The following ACBD5 variants were observed in gnomAD, a reference collection of about 807,000 sequenced individuals.
ACBD5 encodes the protein acyl-CoA-binding domain-containing protein 5.
ACBD5 carries 40 observed loss-of-function variants against 71.8 expected under a neutral mutation model. The ratio of observed to expected loss-of-function variants is 0.56; its 90% CI spans 0.43 to 0.72. The LOEUF (loss-of-function observed/expected upper bound fraction) is 0.72. Among genes scored for constraint, ACBD5 ranks in the 30% least tolerant of loss-of-function variants. The pLI is 0.00. For synonymous variants in ACBD5, 229 were observed against 218.6 expected (o/e 1.05, Z -0.42); for missense variants, 559 against 644.5 (o/e 0.87, Z 1.44).
Position 27,205,196 on chromosome 10 carries a change from A to C in ACBD5, c.1455+2T>G. ...ATTTAAATTTTTTAAAAAATGTCTT[A>C]CCTGTGAGGTGGGCTGAGGAGCAGT... On this transcript the variant is annotated splice_donor_variant, in intron 11 of 12. Coordinates refer to ENST00000396271, the MANE Select transcript of ACBD5 (RefSeq NM_145698.5). LOFTEE classifies it high-confidence loss of function. The C allele has an allele frequency of 6.2e-7, 1 of 1,612,478 alleles. No individual in the cohort carries two copies. The highest frequency in any genetic ancestry group is 8.5e-7 in the Non-Finnish European group (1 of 1,179,078).
chr10:27,203,027 G>A (rs910316909), intron 12 of ACBD5, among the ~76,000 whole-genome samples: 11 of 140,712 alleles, frequency 7.8e-5, no homozygotes, highest in African/African-American at 2.4e-4. Flanking sequence ...GGGCTGGAGT[G>A]TAGTGGCATG....
At position 27,196,866 on chromosome 10, in the gene ACBD5, G is replaced by C; in HGVS notation, c.*564C>G. ...TGCCTGAACACCAAACTCAAGAGTT[G>C]TGAATGCCCAAGAAAGATTATGGGC... is the stretch of plus-strand genomic sequence containing the variant. On this transcript the variant is annotated 3_prime_UTR_variant, in exon 13 of 13. Coordinates refer to ENST00000396271, the MANE Select transcript of ACBD5 (RefSeq NM_145698.5). The C allele has an allele frequency of 4.4e-6, 2 of 454,064 alleles. No homozygotes were observed. Among genetic ancestry groups the C allele is most frequent in the Non-Finnish European group, 8.8e-6 (2 of 226,766 alleles). 28.1% of individuals were successfully genotyped at this position (454,064 alleles called of 1,614,324 possible).
chr10:27,219,640 T>C, intron 6 of ACBD5, 83 bp downstream of exon 6: 1 of 1,570,138 alleles, frequency 6.4e-7, no homozygotes, highest in South Asian at 1.1e-5. Context: ...TTTAATCTTC[T>C]ACAATACCAA....
At chr10:27,187,480 G>A (rs1054651354) in intron 13 of ACBD5, among the ~76,000 whole-genome samples, 1 of 152,080 alleles carries the variant, frequency 6.6e-6, no homozygotes, top group Non-Finnish European at 1.5e-5. Flanking sequence ...GGACGGGTGC[G>A]ATGGCTCATG....
At chr10:27,224,329 A>C (rs1482404548) in intron 4 of ACBD5, among the ~76,000 whole-genome samples, 1 of 152,078 alleles carries the variant, frequency 6.6e-6, no homozygotes, top group East Asian at 1.9e-4. Flanking sequence ...GTGAGCCATG[A>C]TCACACCACA....
Position 27,215,549 on chromosome 10 carries a change from A to C in ACBD5, c.922T>G (p.Phe308Val), listed in dbSNP as rs771525656. The change falls in exon 8 of 13, where the codon TTT becomes GTT. Residue 308 changes from phenylalanine (F) to valine (V), a missense_variant. Coordinates refer to ENST00000396271, the MANE Select transcript of ACBD5 (RefSeq NM_145698.5). Reference sequence around the variant, plus strand: ...GTCATTTTTACCTCTTCTTGTCCAAATTGTTCCATAGAATCACAGTAAACT... The same window carrying C: ...GTCATTTTTACCTCTTCTTGTCCAACTTGTTCCATAGAATCACAGTAAACT... ...SEVYCDSMEQ[F>V]GQEESLDSFT... 1 of 1,612,644 alleles carries C rather than the reference A, an allele frequency of 6.2e-7. No homozygotes were observed. The highest frequency in any genetic ancestry group is 8.5e-7 in the Non-Finnish European group (1 of 1,179,122).
chr10:27,234,189 C>T (rs900413442), intron 3 of ACBD5, among the ~76,000 whole-genome samples: 12 of 152,150 alleles, frequency 7.9e-5, no homozygotes, highest in Admixed American at 3.9e-4. Flanking sequence ...GAAAACAGCA[C>T]GGATGAGTAC....
At position 27,195,728 on chromosome 10, in the gene ACBD5, T is replaced by G; in HGVS notation, c.*1702A>C. The G allele has an allele frequency of 2.4e-6, 1 of 418,198 alleles. No individual in the cohort carries two copies. The highest frequency in any genetic ancestry group is 4.6e-6 in the Non-Finnish European group (1 of 217,112). The allele number at this position is 418,198 out of a possible 1,614,324, so 25.9% of individuals were successfully genotyped here. ...TTTTAATCAGTATGGGATTAAATAA[T>G]TAAAGTTATTTGAAAGAAAAAAATA... On this transcript the variant is annotated 3_prime_UTR_variant, in exon 13 of 13. Coordinates refer to ENST00000396271, the MANE Select transcript of ACBD5 (RefSeq NM_145698.5).
At chr10:27,236,850 A>G (rs1450538715) in intron 2 of ACBD5, among the ~76,000 whole-genome samples, 2 of 145,202 alleles carry the variant, frequency 1.4e-5, no homozygotes, top group Non-Finnish European at 3.0e-5. Context: ...ACACCACTGC[A>G]CTACAGCCTG....
intron 5 of ACBD5, among the ~76,000 whole-genome samples, chr10:27,222,410 T>TAAAAAAAA (rs11322768): frequency 7.1e-6 from 1 of 140,402 alleles, no homozygotes. Context: ...GACAAAATTC[T>TAAAAAAAA]AAAAAAAAAA....
At chr10:27,193,188 A>C, downstream of ACBD5, among the ~76,000 whole-genome samples, 1 of 120,844 alleles carries the variant, frequency 8.3e-6, no homozygotes, top group South Asian at 2.7e-4. Flanking sequence ...TCTGTTTCCC[A>C]AGCTGGAGTG....
intron 8 of ACBD5, among the ~76,000 whole-genome samples, chr10:27,212,847 C>G (rs1458973219): frequency 6.6e-6 from 1 of 152,120 alleles, no homozygotes; most frequent in Admixed American, 6.6e-5. Flanking sequence ...CCATGACCAG[C>G]CTACGCCACT....
rs1313028991 is a variant in ACBD5 at position 27,195,890 on chromosome 10, T to C, written c.*1540A>G. 5 of 453,444 alleles carry C rather than the reference T, an allele frequency of 1.1e-5. No individual in the cohort carries two copies. The highest frequency in any genetic ancestry group is 2.0e-5 in the African/African-American group (1 of 49,970). 28.1% of individuals were successfully genotyped at this position (453,444 alleles called of 1,614,324 possible). A position where few individuals can be genotyped will look rare whatever the true frequency, so the allele number is the denominator to read the frequency against. On this transcript the variant is annotated 3_prime_UTR_variant, in exon 13 of 13. Coordinates refer to ENST00000396271, the MANE Select transcript of ACBD5 (RefSeq NM_145698.5). ...ATGATGTTAAACCCAACATCATACA[T>C]CTTGAGAATGCTTAAAAATTATTTG...
chr10:27,228,815 A>T lies in ACBD5; in HGVS notation c.375+2933T>A, dbSNP rs199827408. Among the ~76,000 whole-genome samples the T allele has an allele frequency of 9.5e-3, 194 of 20,346 alleles. 7 individuals carry two copies. Among genetic ancestry groups the T allele is most frequent in the African/African-American group, 0.019 (162 of 8,558 alleles). 13.3% of individuals were successfully genotyped at this position (20,346 alleles called of 152,430 possible). Reference sequence around the variant, plus strand: ...TTTATATATATATATATATATATATATTTTTTTTTTTTTTTTTTTTTTTGA... The same window carrying T: ...TTTATATATATATATATATATATATTTTTTTTTTTTTTTTTTTTTTTTTGA... On this transcript the variant is annotated intron_variant, in intron 4 of 12. Coordinates refer to ENST00000396271, the MANE Select transcript of ACBD5 (RefSeq NM_145698.5).
chr10:27,240,751 G>C lies in ACBD5; in HGVS notation c.-63C>G. On this transcript the variant is annotated 5_prime_UTR_variant, in exon 1 of 13. Coordinates refer to ENST00000396271, the MANE Select transcript of ACBD5 (RefSeq NM_145698.5). The surrounding 1 kb of genome is among the most constrained non-coding windows in gnomAD (Gnocchi z 4.1). ...CCGCGGAGCCGCTCTCCCACCCTGGGGACCCTGGCGGAGCAGCCACACCCC... is the reference window on the plus strand; with the variant it reads ...CCGCGGAGCCGCTCTCCCACCCTGGCGACCCTGGCGGAGCAGCCACACCCC... The C allele has an allele frequency of 6.5e-7, 1 of 1,549,738 alleles. No individual in the cohort carries two copies. Among genetic ancestry groups the C allele is most frequent in the Non-Finnish European group, 8.7e-7 (1 of 1,146,604 alleles).
At chr10:27,236,907 C>G (rs79297371) in intron 2 of ACBD5, among the ~76,000 whole-genome samples, 7,175 of 135,390 alleles carry the variant, frequency 0.053, 525 homozygotes, top group African/African-American at 0.16. Flanking sequence ...AAAAAAAAAG[C>G]TGTGCTGTGG....
intron 10 of ACBD5, among the ~76,000 whole-genome samples, chr10:27,207,191 G>A (rs1407494101): frequency 2.0e-5 from 3 of 151,578 alleles, no homozygotes; most frequent in Non-Finnish European, 4.4e-5. Flanking sequence ...CAGGAGAATC[G>A]TTTGAACCCA....
chr10:27,186,910 A>G (rs1408817978), intron 13 of ACBD5: 1 of 265,070 alleles, frequency 3.8e-6, no homozygotes, highest in Non-Finnish European at 7.3e-6. Flanking sequence ...TAAAATAATC[A>G]TACAGTTCCA....
rs1393931552 is a variant in ACBD5, at chr10:27,240,091, A to G, written c.181+228T>C. On this transcript the variant is annotated intron_variant, in intron 2 of 12. Transcript: ENST00000396271. The surrounding 1 kb of genome is among the most constrained non-coding windows in gnomAD (Gnocchi z 4.1). ...CACCCAAATCCGCAGTCATTAAGTGACAAGACTTTTGTTTTCAACAATATG... is the reference window on the plus strand; with the variant it reads ...CACCCAAATCCGCAGTCATTAAGTGGCAAGACTTTTGTTTTCAACAATATG... 6.6e-6 allele frequency among the ~76,000 whole-genome samples: 1 copy of G among 152,186 alleles called. No homozygotes were observed. Among genetic ancestry groups the G allele is most frequent in the Non-Finnish European group, 1.5e-5 (1 of 68,032 alleles).
Sources: allele counts gnomAD v4.1 joint callset (sites outside exome capture counted in the v4.1 genomes callset), GRCh38; gene constraint gnomAD v4.1.1; non-coding constraint Gnocchi (gnomAD v3.1); transcripts MANE v1.5; gene names NCBI Gene and HGNC (gene_info 2026-07-23, HGNC 2026-07-21).